Variants in ZNF185 observed in about 807,000 individuals in gnomAD.
The protein encoded by ZNF185 is zinc finger protein 185 with LIM domain.
In ZNF185, 56 loss-of-function variants were observed where a neutral mutation model predicts 58.6. The observed-to-expected ratio is 0.95, with a 90% CI of 0.77 to 1.19. The LOEUF (loss-of-function observed/expected upper bound fraction) is 1.19, where lower values mean the gene tolerates loss of function less well. Among genes scored for constraint, ZNF185 ranks in the 50% most tolerant of loss-of-function variants. ZNF185 has a pLI of 0.00. For missense variants in ZNF185, 627 were observed against 573.5 expected (o/e 1.09, Z -0.95); for synonymous variants, 230 against 215.9 (o/e 1.07, Z -0.57).
chrX:152,971,811 T>A (rs1214926850), exon 23 of ZNF185: 2 of 112,568 alleles, frequency 1.8e-5, no homozygotes, highest in Admixed American at 9.4e-5. Context: ...TTGATTGAGT[T>A]ATATAGCAGT....
intron 16 of ZNF185, among the ~76,000 whole-genome samples, chrX:152,954,970 G>C (rs887054309): frequency 8.1e-5 from 9 of 111,250 alleles, no homozygotes; most frequent in Admixed American, 2.9e-4. Flanking sequence ...AAAAGGTGGA[G>C]GGGGGGAAAT....
chrX:152,945,177 C>T, intron 15 of ZNF185, 90 bp from the exon 18 acceptor site: 5 of 1,017,291 alleles, frequency 4.9e-6, no homozygotes, highest in Non-Finnish European at 6.6e-6. Flanking sequence ...CCTCCAAGTC[C>T]ACAGGAGGTG....
At chrX:152,949,079 C>T (rs1556897687) in intron 16 of ZNF185, among the ~76,000 whole-genome samples, 3 of 106,903 alleles carry the variant, frequency 2.8e-5, no homozygotes, top group Non-Finnish European at 3.9e-5. Context: ...AGAGCAGTGA[C>T]GGAGAGGGAA....
intron 11 of ZNF185, among the ~76,000 whole-genome samples, chrX:152,924,437 A>G (rs1276617586): frequency 9.0e-6 from 1 of 110,964 alleles, no homozygotes. Flanking sequence ...CACTTCTTAT[A>G]AGGACATTGG....
chrX:152,961,854 C>A (rs1556910526), intron 17 of ZNF185, among the ~76,000 whole-genome samples: 1 of 111,967 alleles, frequency 8.9e-6, no homozygotes, highest in African/African-American at 3.2e-5. Context: ...AATTTGCTGG[C>A]AGTTTTGCAG....
intron 16 of ZNF185, among the ~76,000 whole-genome samples, chrX:152,952,635 G>A (rs1368215534): frequency 1.8e-5 from 2 of 110,719 alleles, no homozygotes; most frequent in African/African-American, 3.3e-5. Context: ...GTAGATAGGG[G>A]TATGTAGGAG....
At chrX:152,928,050 T>C (rs1941203147) in intron 11 of ZNF185, among the ~76,000 whole-genome samples, 3 of 112,338 alleles carry the variant, frequency 2.7e-5, no homozygotes, top group African/African-American at 9.7e-5. Flanking sequence ...CCTGTGGTCA[T>C]CTGGGGGAGG....
chrX:152,916,795 T>A (rs1556865995), intron 3 of ZNF185, among the ~76,000 whole-genome samples: 1 of 112,716 alleles, frequency 8.9e-6, no homozygotes, highest in African/African-American at 3.2e-5. Flanking sequence ...GGGAGGGCTG[T>A]CAGCTGAGAG....
At position 152,962,003 on chromosome X, in the gene ZNF185, T is replaced by C. The variant is rs146036862; in HGVS notation, c.1608-1836T>C. 4.3e-4 allele frequency among the ~76,000 whole-genome samples: 48 copies of C among 111,394 alleles called. 2 individuals carry two copies. In the East Asian group the frequency reaches 0.014, roughly 31 times the overall value. On this transcript the variant is annotated intron_variant, in intron 17 of 22. Coordinates refer to ENST00000449285, the Ensembl canonical transcript of ZNF185. The stretch of plus-strand genomic sequence containing the variant: ...AACCAGGTGCTCTGATGGAGAGGGG[T>C]TAGAGCAAGGATGGTTAGGGAAAGC...
exon 23 of ZNF185, chrX:152,972,762 T>C (rs12846133): frequency 0.24 from 26,225 of 110,770 alleles, 2,380 homozygotes; most frequent in South Asian, 0.39. Context: ...AGTCAGCCGA[T>C]CCTCTGCTCA....
intron 3 of ZNF185, 151 bp from the exon 5 acceptor site, chrX:152,916,980 G>C: frequency 1.3e-6 from 1 of 768,981 alleles, no homozygotes; most frequent in Non-Finnish European, 1.9e-6. Context: ...CAGGGGCACA[G>C]GGGGCTGGCA....
At chrX:152,921,369 T>G (rs1939677353) in intron 9 of ZNF185, among the ~76,000 whole-genome samples, 1 of 111,067 alleles carries the variant, frequency 9.0e-6, no homozygotes, top group Non-Finnish European at 1.9e-5. Flanking sequence ...AGCTGGGGAC[T>G]GCAAACCCAA....
intron 12 of ZNF185, among the ~76,000 whole-genome samples, chrX:152,930,768 G>A (rs935739382): frequency 9.0e-6 from 1 of 111,517 alleles, no homozygotes; most frequent in East Asian, 2.8e-4. Context: ...ACAGGATCAA[G>A]GGAGGAGGGG....
intron 19 of ZNF185, among the ~76,000 whole-genome samples, chrX:152,966,760 G>A (rs782021308): frequency 1.7e-4 from 19 of 111,507 alleles, no homozygotes; most frequent in Non-Finnish European, 2.5e-4. Context: ...CTCCAAACCC[G>A]TCTGCACCCC....
At chrX:152,918,096 G>T in exon 6 of ZNF185, 1 of 1,193,163 alleles carries the variant, frequency 8.4e-7, no homozygotes, top group Non-Finnish European at 1.1e-6. Context: ...AGCTAACGCT[G>T]GTCCTCCCCG....
chrX:152,906,849 G>A, the ZNF185 span, among the ~76,000 whole-genome samples: 1,288 of 110,791 alleles, frequency 0.012, 22 homozygotes, highest in African/African-American at 0.04. Flanking sequence ...ACTGAGACAA[G>A]CCCTGACACC....
At chrX:152,911,585 G>C (rs5925251), upstream of ZNF185, among the ~76,000 whole-genome samples, 1 of 103,462 alleles carries the variant, frequency 9.7e-6, no homozygotes, top group Non-Finnish European at 2.0e-5. Flanking sequence ...ATGGGATGTA[G>C]ATTCCAACCT....
intron 16 of ZNF185, among the ~76,000 whole-genome samples, chrX:152,947,413 G>A (rs187731083): frequency 1.1e-3 from 127 of 111,720 alleles, no homozygotes; most frequent in African/African-American, 3.7e-3. Flanking sequence ...TAAAGATAAC[G>A]GTGAGGGAAA....
rs781998368 is a variant in ZNF185 at position 152,965,411 on chromosome X, G to T, written c.1719-36G>T. 1.3e-5 allele frequency: 15 copies of T among 1,137,462 alleles called. No homozygotes were observed. The East Asian group carries it at 4.2e-4, about 32-fold the overall frequency. The allele number at this position is 1,137,462 out of a possible 1,213,427, so 93.7% of individuals were successfully genotyped here. A position where few individuals can be genotyped will look rare whatever the true frequency, so the allele number is the denominator to read the frequency against. ...CAGGCCTGGTTCCCTGGAATCTTCT[G>T]GTGTACCTCTGATTTCTTCTGTGCT... On this transcript the variant is annotated intron_variant, in intron 18 of 22. Coordinates refer to ENST00000449285, the Ensembl canonical transcript of ZNF185.
Sources: gnomAD v4.1 joint callset for allele counts (sites outside exome capture counted in the v4.1 genomes callset) on GRCh38, gnomAD v4.1.1 for gene constraint, MANE v1.5 for transcripts, NCBI Gene and HGNC (gene_info 2026-07-23, HGNC 2026-07-21) for gene names.